Variants in CLIP1 observed in about 807,000 individuals in gnomAD.
CLIP1 encodes the protein CAP-Gly domain containing linker protein 1.
In CLIP1, 66 loss-of-function variants were observed where a neutral mutation model predicts 161.6. The ratio of observed to expected loss-of-function variants is 0.41; its 90% CI spans 0.33 to 0.50. CLIP1 has a LOEUF of 0.50. Ranked by LOEUF, CLIP1 falls within the 20% of genes least tolerant of loss-of-function variation. The pLI, the probability that CLIP1 is intolerant of heterozygous loss-of-function variation, is 0.27. For missense variants in CLIP1, 1,376 were observed against 1,702.0 expected, an observed-to-expected ratio of 0.81 and a Z score of 3.37; for synonymous variants, 598 against 626.2, an observed-to-expected ratio of 0.96 and a Z score of 0.67.
intron 15 of CLIP1, among the ~76,000 whole-genome samples, chr12:122,331,732 T>C (rs1951979262): frequency 1.3e-5 from 2 of 152,172 alleles, no homozygotes; most frequent in African/African-American, 4.8e-5. Flanking sequence ...CGGTGACTCA[T>C]GCCTGTAATT....
intron 1 of CLIP1, chr12:122,399,534 C>G (rs1016154843): frequency 6.6e-6 from 1 of 152,188 alleles, no homozygotes; most frequent in Non-Finnish European, 1.5e-5. Flanking sequence ...CAGACCCTTT[C>G]CAGTCCATTT....
intron 20 of CLIP1, among the ~76,000 whole-genome samples, chr12:122,308,093 G>C (rs1950937916): frequency 6.6e-6 from 1 of 152,192 alleles, no homozygotes; most frequent in South Asian, 2.1e-4. Flanking sequence ...GAACAGAGCT[G>C]CTAGGATGGA....
At chr12:122,393,912 CAAAAAAAA>C (rs71082981) in intron 1 of CLIP1, among the ~76,000 whole-genome samples, 2 of 63,170 alleles carry the variant, frequency 3.2e-5, no homozygotes, top group Admixed American at 2.7e-4. Context: ...ATTCTGTCTC[CAAAAAAAA>C]AAAAAAAAAA....
chr12:122,300,201 T>C (rs1279393929), intron 20 of CLIP1, among the ~76,000 whole-genome samples: 2 of 151,870 alleles, frequency 1.3e-5, no homozygotes, highest in African/African-American at 4.8e-5. Flanking sequence ...GCCAGGGCAG[T>C]AGAGACTGCA....
intron 9 of CLIP1, among the ~76,000 whole-genome samples, chr12:122,349,704 G>A (rs1952926969): frequency 6.6e-6 from 1 of 152,210 alleles, no homozygotes; most frequent in African/African-American, 2.4e-5. Context: ...ACAGGGGATT[G>A]AGAAGGAAAG....
In CLIP1 at chr12:122,355,947, C is replaced by G. The variant is rs1408411607; in HGVS notation, c.1006-635G>C. The G allele has an allele frequency of 1.3e-5, 2 of 152,322 alleles. No individual in the cohort carries two copies. The highest frequency in any genetic ancestry group is 4.8e-5 in the African/African-American group (2 of 41,472). 9.4% of individuals were successfully genotyped at this position (152,322 alleles called of 1,614,324 possible). A position where few individuals can be genotyped will look rare whatever the true frequency, so the allele number is the denominator to read the frequency against. On this transcript the variant is annotated intron_variant, in intron 5 of 25. Coordinates refer to ENST00000620786, the MANE Select transcript of CLIP1 (RefSeq NM_001247997.2). This position sits in a 1 kb window ranked among gnomAD's most constrained non-coding sequence, Gnocchi z 4.1. ...TTGACTTCATCTTCTGCAGTCAGAG[C>G]TGCTGCAGCTGTCGCCTGAAAGCTC...
intron 6 of CLIP1, 176 bp from the exon 7 acceptor site, chr12:122,354,732 A>G (rs781028089): frequency 6.9e-5 from 41 of 594,204 alleles, no homozygotes; most frequent in Non-Finnish European, 1.0e-4. Context: ...TGGAAGATAG[A>G]TGATGAAAGT....
At chr12:122,419,138 A>G (rs1282216826) in intron 1 of CLIP1, among the ~76,000 whole-genome samples, 1 of 152,166 alleles carries the variant, frequency 6.6e-6, no homozygotes, top group African/African-American at 2.4e-5. Flanking sequence ...TGGGAGGCCA[A>G]AGCAGGTGGA....
chr12:122,396,933 ATTTTTT>A (rs34381270), intron 1 of CLIP1, among the ~76,000 whole-genome samples: 58 of 75,062 alleles, frequency 7.7e-4, no homozygotes, highest in African/African-American at 2.4e-3. Flanking sequence ...CACCCGGCAA[ATTTTTT>A]TTTTTTTTTT....
intron 1 of CLIP1, among the ~76,000 whole-genome samples, chr12:122,415,210 A>G (rs916171067): frequency 6.6e-6 from 1 of 152,142 alleles, no homozygotes; most frequent in Non-Finnish European, 1.5e-5. Flanking sequence ...GGCTGGGCGC[A>G]GTGGCTCACG....
chr12:122,413,546 A>C (rs1160943295), intron 1 of CLIP1, among the ~76,000 whole-genome samples: 1 of 152,192 alleles, frequency 6.6e-6, no homozygotes, highest in Admixed American at 6.6e-5. Flanking sequence ...GGAGCAAACA[A>C]ACACCAAACT....
intron 15 of CLIP1, among the ~76,000 whole-genome samples, chr12:122,329,586 C>T (rs11057562): frequency 0.1 from 15,029 of 150,794 alleles, 1,243 homozygotes; most frequent in East Asian, 0.45. Context: ...GCCGAGATCG[C>T]GCCACTGCAC....
At chr12:122,276,402 A>ACACACACACACACACC in intron 24 of CLIP1, 1 of 1,289,024 alleles carries the variant, frequency 7.8e-7, no homozygotes, top group South Asian at 1.2e-5. Flanking sequence ...ACACACACAC[A>ACACACACACACACACC]CACGTGTGCA....
Position 122,341,032 on chromosome 12 carries a change from A to G in CLIP1, c.2172T>C (p.His724=). ...TTAACGTGTCTTCCATTTCTACGAG[A>G]TGCTGGTCTTCTGCTTTGTCCAGTT... is the stretch of plus-strand genomic sequence containing the variant. The part of the protein sequence containing the change: ...RSKLDKAEDQ[H]LVEMEDTLNK... Residue 724 remains histidine (H), a synonymous_variant, in exon 11 of 26, where the codon CAT becomes CAC. Coordinates refer to ENST00000620786, the MANE Select transcript of CLIP1 (RefSeq NM_001247997.2). 6.2e-7 allele frequency: 1 copy of G among 1,613,996 alleles called. No homozygotes were observed. Among genetic ancestry groups the G allele is most frequent in the East Asian group, 2.2e-5 (1 of 44,888 alleles).
chr12:122,340,026 T>A (rs1042039743), intron 11 of CLIP1, among the ~76,000 whole-genome samples: 32 of 152,010 alleles, frequency 2.1e-4, no homozygotes, highest in African/African-American at 7.2e-4. Flanking sequence ...AACATCATTA[T>A]GTGGCACCTG....
chr12:122,284,824 A>G (rs1160105543), intron 21 of CLIP1, among the ~76,000 whole-genome samples: 1 of 152,238 alleles, frequency 6.6e-6, no homozygotes, highest in Non-Finnish European at 1.5e-5. Context: ...TTCACTCAGA[A>G]GAGAACCAGC....
intron 19 of CLIP1, among the ~76,000 whole-genome samples, chr12:122,315,757 T>C (rs978350220): frequency 2.0e-5 from 3 of 151,552 alleles, no homozygotes; most frequent in Non-Finnish European, 2.9e-5. Flanking sequence ...TCTCCTGCCT[T>C]AGCCTCCTGA....
intron 7 of CLIP1, among the ~76,000 whole-genome samples, chr12:122,353,982 G>T (rs189693809): frequency 6.6e-6 from 1 of 152,202 alleles, no homozygotes; most frequent in East Asian, 1.9e-4. Flanking sequence ...AATCAAAGCA[G>T]ACGCTCTTCA....
intron 1 of CLIP1, among the ~76,000 whole-genome samples, chr12:122,385,125 G>T (rs1955195540): frequency 6.6e-6 from 1 of 152,042 alleles, no homozygotes; most frequent in Non-Finnish European, 1.5e-5. Flanking sequence ...TAGAGACGGG[G>T]TTTCACCATA....
Sources: allele counts gnomAD v4.1 joint callset (sites outside exome capture counted in the v4.1 genomes callset), GRCh38; gene constraint gnomAD v4.1.1; non-coding constraint Gnocchi (gnomAD v3.1); transcripts MANE v1.5; gene names NCBI Gene and HGNC (gene_info 2026-07-23, HGNC 2026-07-21).